EXOC6: variants seen among roughly 807,000 people sequenced by gnomAD.
The protein encoded by EXOC6 is SEC15-like 1.
EXOC6 carries 60 observed loss-of-function variants against 112.5 expected under a neutral mutation model. That is an observed-to-expected ratio of 0.53 (90% confidence interval 0.43 to 0.66). The LOEUF is 0.66. EXOC6 is among the 30% of genes least tolerant of loss of function. EXOC6 has a pLI of 0.00. For synonymous variants in EXOC6, 295 were observed against 308.0 expected (o/e 0.96, Z 0.44); for missense variants, 855 against 957.1 (o/e 0.89, Z 1.41).
chr10:92,871,919 T>C (rs1848468614), intron 1 of EXOC6, among the ~76,000 whole-genome samples: 1 of 152,168 alleles, frequency 6.6e-6, no homozygotes, highest in South Asian at 2.1e-4. Context: ...TTTTGTGTAT[T>C]TGTAATTTCA....
intron 8 of EXOC6, among the ~76,000 whole-genome samples, chr10:92,926,329 A>T (rs1440045446): frequency 6.6e-6 from 1 of 152,038 alleles, no homozygotes; most frequent in Non-Finnish European, 1.5e-5. Context: ...AACATATCAT[A>T]TTAGACAATG....
chr10:92,848,446 C>A, upstream of EXOC6: 2 of 1,008,476 alleles, frequency 2.0e-6, no homozygotes, highest in Non-Finnish European at 1.2e-6. Flanking sequence ...CCGCCCCCGC[C>A]CCGCCCCTTC....
intron 13 of EXOC6, among the ~76,000 whole-genome samples, chr10:92,943,212 G>C (rs1833200768): frequency 6.6e-6 from 1 of 151,944 alleles, no homozygotes; most frequent in Non-Finnish European, 1.5e-5. Context: ...TAGAAATGGT[G>C]TTTCGCCGTG....
intron 1 of EXOC6, among the ~76,000 whole-genome samples, chr10:92,849,783 TG>T (rs1006453151): frequency 3.9e-5 from 6 of 152,134 alleles, no homozygotes; most frequent in Admixed American, 2.6e-4. Flanking sequence ...TGTGCAGTCA[TG>T]GAAAAAAATT....
At chr10:93,006,484 A>G (rs1341070259) in intron 19 of EXOC6, among the ~76,000 whole-genome samples, 1 of 152,242 alleles carries the variant, frequency 6.6e-6, no homozygotes, top group Non-Finnish European at 1.5e-5. Flanking sequence ...ATACTACTTT[A>G]TATAAAAATG....
chr10:92,934,865 A>G (rs1852260394), intron 11 of EXOC6, among the ~76,000 whole-genome samples: 1 of 152,128 alleles, frequency 6.6e-6, no homozygotes, highest in South Asian at 2.1e-4. Flanking sequence ...GCGATTTTCA[A>G]AATTTGAAAT....
At chr10:93,041,379 C>CTTGT (rs1247812267) in intron 20 of EXOC6, among the ~76,000 whole-genome samples, 1 of 152,060 alleles carries the variant, frequency 6.6e-6, no homozygotes, top group East Asian at 1.9e-4. Flanking sequence ...TGTCAGCTCC[C>CTTGT]TTGTTTGTTT....
At chr10:92,902,780 T>C (rs779265561) in intron 5 of EXOC6, among the ~76,000 whole-genome samples, 3 of 152,182 alleles carry the variant, frequency 2.0e-5, no homozygotes, top group Non-Finnish European at 4.4e-5. Flanking sequence ...TCCTCCCTTC[T>C]CTAGAAATAA....
intron 1 of EXOC6, among the ~76,000 whole-genome samples, chr10:92,885,382 CTT>C (rs869229626): frequency 9.8e-5 from 14 of 142,226 alleles, no homozygotes; most frequent in Non-Finnish European, 9.3e-5. Context: ...AAAGTCAGCT[CTT>C]TTTTTTTTTT....
chr10:92,839,068 T>C (rs1164010997), intron 1 of EXOC6, among the ~76,000 whole-genome samples: 2 of 150,346 alleles, frequency 1.3e-5, no homozygotes, highest in Non-Finnish European at 3.0e-5. Flanking sequence ...GTGAGACTCC[T>C]CTAAAAAAAA....
At chr10:93,045,627 G>C (rs1034778148) in intron 20 of EXOC6, among the ~76,000 whole-genome samples, 1 of 152,116 alleles carries the variant, frequency 6.6e-6, no homozygotes, top group Non-Finnish European at 1.5e-5. Context: ...TTATTTCTTC[G>C]TAGCTTCAGT....
chr10:93,053,282 A>C (rs1266502889), intron 20 of EXOC6, among the ~76,000 whole-genome samples: 3 of 152,222 alleles, frequency 2.0e-5, no homozygotes, highest in Non-Finnish European at 4.4e-5. Flanking sequence ...TGCCTGTGGA[A>C]ATGGGTTCAG....
intron 1 of EXOC6, among the ~76,000 whole-genome samples, chr10:92,883,445 G>A (rs1849060312): frequency 1.3e-5 from 2 of 152,068 alleles, no homozygotes; most frequent in Admixed American, 6.5e-5. Context: ...ATAGTTTATA[G>A]TTAGTAACCA....
intron 5 of EXOC6, among the ~76,000 whole-genome samples, chr10:92,905,483 A>G (rs1330531995): frequency 6.6e-6 from 1 of 151,976 alleles, no homozygotes; most frequent in Non-Finnish European, 1.5e-5. Context: ...AGTTCCAGAA[A>G]ATTTTTTGTT....
At chr10:92,897,199 T>A (rs1849872933) in intron 4 of EXOC6, among the ~76,000 whole-genome samples, 1 of 152,120 alleles carries the variant, frequency 6.6e-6, no homozygotes, top group Non-Finnish European at 1.5e-5. Context: ...AATAGAGAAA[T>A]AAAGGGAAGT....
intron 1 of EXOC6, among the ~76,000 whole-genome samples, chr10:92,837,451 C>A (rs1198899508): frequency 6.6e-6 from 1 of 152,094 alleles, no homozygotes; most frequent in African/African-American, 2.4e-5. Flanking sequence ...TGGGAGATCG[C>A]TTGAGGCCAG....
Position 92,935,825 on chromosome 10 carries a change from T to G in EXOC6, c.1152T>G (p.Thr384=). The change falls in exon 12 of 22, where the codon ACT becomes ACG. Residue 384 remains threonine, a synonymous_variant. Transcript: ENST00000260762. ...AVLRAHSSYC[T]DPDLVLELKN... ...GTTTCCACCCTCAGTCCTATTGCAC[T>G]GATCCTGATCTTGTTCTGGAGCTGA... The G allele has an allele frequency of 6.2e-7, 1 of 1,608,760 alleles. No individual in the cohort carries two copies. The highest frequency in any genetic ancestry group is 1.1e-5 in the South Asian group (1 of 90,756).
rs117674196 is a variant in EXOC6, at chr10:92,907,926, A to G, written c.459-1501A>G. 7.7e-4 allele frequency among the ~76,000 whole-genome samples: 117 copies of G among 152,280 alleles called. 1 individual carries two copies. The highest frequency in any genetic ancestry group is 1.4e-3 in the Non-Finnish European group (97 of 68,016). ...TATAAGCATTCTGATGTTTACCAAGATAAAATTTAGATGGTCTAATTTTTA... is the reference window on the plus strand; with the variant it reads ...TATAAGCATTCTGATGTTTACCAAGGTAAAATTTAGATGGTCTAATTTTTA... On this transcript the variant is annotated intron_variant, in intron 5 of 21. Transcript: ENST00000260762.
intron 1 of EXOC6, among the ~76,000 whole-genome samples, chr10:92,856,835 C>A (rs983506797): frequency 1.3e-5 from 2 of 152,072 alleles, no homozygotes; most frequent in Non-Finnish European, 2.9e-5. Context: ...TATGTTTATA[C>A]TTTATATATT....
Sources: allele counts gnomAD v4.1 joint callset (sites outside exome capture counted in the v4.1 genomes callset), GRCh38; gene constraint gnomAD v4.1.1; transcripts MANE v1.5; gene names NCBI Gene and HGNC (gene_info 2026-07-23, HGNC 2026-07-21).